The following SEC22A variants were observed in gnomAD, a reference collection of about 807,000 sequenced individuals.
SEC22A encodes the protein SEC22 homolog A, vesicle trafficking protein, also known as vesicle-trafficking protein SEC22a.
Under a neutral mutation model 35.3 loss-of-function variants are expected in SEC22A, and 22 were observed. That is an observed-to-expected ratio of 0.62 (90% CI 0.45 to 0.89). SEC22A has a LOEUF of 0.89. Ranked by LOEUF, SEC22A falls within the 40% of genes least tolerant of loss-of-function variation. SEC22A has a pLI of 0.00. For synonymous variants in SEC22A, 119 were observed against 129.5 expected, an observed-to-expected ratio of 0.92 and a Z score of 0.55; for missense variants, 354 against 362.5, an observed-to-expected ratio of 0.98 and a Z score of 0.19.
Position 123,271,772 on chromosome 3 carries a change from C to G in SEC22A, c.*50C>G. On this transcript the variant is annotated 3_prime_UTR_variant, in exon 7 of 7. Transcript: ENST00000492595. ...TGGCTTCAGGGGGATAAGGAGGGAA[C>G]ATATCATAACTGCACTGTGATGAAG... 1 of 1,421,554 alleles carries G rather than the reference C, an allele frequency of 7.0e-7. No homozygotes were observed. Among genetic ancestry groups the G allele is most frequent in the Non-Finnish European group, 9.9e-7 (1 of 1,009,956 alleles). 88.1% of individuals were successfully genotyped at this position (1,421,554 alleles called of 1,614,324 possible). A position where few individuals can be genotyped will look rare whatever the true frequency, so the allele number is the denominator to read the frequency against.
chr3:123,241,009 AC>A (rs1937515158), intron 4 of SEC22A, among the ~76,000 whole-genome samples: 2 of 128,720 alleles, frequency 1.6e-5, no homozygotes, highest in Admixed American at 7.9e-5. Context: ...TCTTACACAC[AC>A]ACACACACAC....
chr3:123,267,860 T>A (rs1365385578), intron 6 of SEC22A, among the ~76,000 whole-genome samples: 2 of 152,258 alleles, frequency 1.3e-5, no homozygotes, highest in African/African-American at 4.8e-5. Flanking sequence ...GGCAGTATTT[T>A]TTTCTTTCAG....
At position 123,274,004 on chromosome 3, in the gene SEC22A, ACTC is replaced by A. The variant is rs1938238057; in HGVS notation, c.*2286_*2288del. The A allele has an allele frequency of 6.8e-6, 1 of 147,324 alleles. No individual in the cohort carries two copies. The allele number at this position is 147,324 out of a possible 1,614,324, so 9.1% of individuals were successfully genotyped here. A position where few individuals can be genotyped will look rare whatever the true frequency, so the allele number is the denominator to read the frequency against. The stretch of plus-strand genomic sequence containing the variant: ...ATACATTCAGCAAGAACACTTGAAA[ACTC>A]CTCACCAACTATTTTTAAAGGCTTA... On this transcript the variant is annotated 3_prime_UTR_variant, in exon 7 of 7. Coordinates refer to ENST00000492595, the MANE Select transcript of SEC22A (RefSeq NM_012430.5).
intron 5 of SEC22A, among the ~76,000 whole-genome samples, chr3:123,247,229 T>C (rs1379075594): frequency 2.7e-5 from 4 of 149,406 alleles, no homozygotes; most frequent in African/African-American, 7.6e-5. Context: ...TAAGATACTC[T>C]TTTTTTTTGT....
At position 123,216,048 on chromosome 3, in the gene SEC22A, G is replaced by T. The variant is rs572973634; in HGVS notation, c.182+6649G>T. Among the ~76,000 whole-genome samples, 4 of 152,216 alleles carry T rather than the reference G, an allele frequency of 2.6e-5. No individual in the cohort carries two copies. In the South Asian group the frequency reaches 8.3e-4, roughly 32 times the overall value. ...CCTGGGTATTCAATTTTCCTATTTT[G>T]TCTCATTACTAGTATCACATTCCTT... is the stretch of plus-strand genomic sequence containing the variant. On this transcript the variant is annotated intron_variant, in intron 2 of 6. Coordinates refer to ENST00000492595, the MANE Select transcript of SEC22A (RefSeq NM_012430.5).
chr3:123,241,560 A>G (rs1937523139), intron 4 of SEC22A, among the ~76,000 whole-genome samples: 2 of 152,112 alleles, frequency 1.3e-5, no homozygotes, highest in African/African-American at 4.8e-5. Flanking sequence ...TCTTCACTGA[A>G]TTATTTCATT....
chr3:123,228,719 A>C (rs370652098), intron 4 of SEC22A, among the ~76,000 whole-genome samples: 2 of 152,272 alleles, frequency 1.3e-5, no homozygotes, highest in East Asian at 3.9e-4. Flanking sequence ...AGTAGTCATT[A>C]TAATCATGTT....
intron 4 of SEC22A, among the ~76,000 whole-genome samples, chr3:123,228,068 T>G (rs1937246455): frequency 6.6e-6 from 1 of 152,068 alleles, no homozygotes; most frequent in Non-Finnish European, 1.5e-5. Context: ...AAATTTGGAC[T>G]GAATACAACA....
intron 3 of SEC22A, among the ~76,000 whole-genome samples, 157 bp downstream of exon 3, chr3:123,223,879 T>A (rs1025728538): frequency 1.3e-5 from 2 of 152,188 alleles, no homozygotes; most frequent in Non-Finnish European, 2.9e-5. Context: ...TTTACTTAGA[T>A]GCTTATTAGA....
At chr3:123,224,790 CA>C (rs201359124) in intron 3 of SEC22A, among the ~76,000 whole-genome samples, 11 of 144,370 alleles carry the variant, frequency 7.6e-5, no homozygotes, top group South Asian at 2.2e-4. Flanking sequence ...GACCCTGTCT[CA>C]AAAAAAAAAA....
chr3:123,269,199 G>GTT (rs1938093531), intron 6 of SEC22A, among the ~76,000 whole-genome samples: 1 of 103,422 alleles, frequency 9.7e-6, no homozygotes, highest in Non-Finnish European at 2.2e-5. Context: ...GTGTGTGTGT[G>GTT]TGTGTGTGTG....
At chr3:123,244,615 C>T (rs577646681) in intron 4 of SEC22A, among the ~76,000 whole-genome samples, 1 of 152,250 alleles carries the variant, frequency 6.6e-6, no homozygotes, top group South Asian at 2.1e-4. Flanking sequence ...TTCTGCTGAA[C>T]TTGGGGAATA....
chr3:123,257,995 G>GAAAAAA (rs61068587), intron 5 of SEC22A, among the ~76,000 whole-genome samples: 8 of 111,484 alleles, frequency 7.2e-5, no homozygotes, highest in African/African-American at 1.2e-4. Context: ...CCATCTCATT[G>GAAAAAA]AAAAAAAAAA....
At position 123,245,950 on chromosome 3, in the gene SEC22A, T is replaced by C. The variant is rs769453296; in HGVS notation, c.593T>C (p.Leu198Pro). ...ATLSGIVGFILSLLCGALNLI... is the reference protein window; with the variant it reads ...ATLSGIVGFIPSLLCGALNLI... ...CTGTCAGGGATTGTAGGATTTATCC[T>C]TAGTCTTTTATGTGGAGCTCTGAAT... Residue 198 changes from leucine (L) to proline (P), a missense_variant, in exon 5 of 7, where the codon CTT becomes CCT. Leu to Pro is a moderately conservative substitution (Grantham distance 98). Coordinates refer to ENST00000492595, the MANE Select transcript of SEC22A (RefSeq NM_012430.5). The C allele has an allele frequency of 4.3e-6, 7 of 1,613,232 alleles. No homozygotes were observed. In the East Asian group the frequency reaches 1.1e-4, roughly 26 times the overall value.
chr3:123,241,949 GA>G (rs200139005), intron 4 of SEC22A, among the ~76,000 whole-genome samples: 9,569 of 144,678 alleles, frequency 0.066, 541 homozygotes, highest in African/African-American at 0.16. Context: ...CACTTTTCTG[GA>G]AAAAAAAAAA....
At chr3:123,250,135 G>T (rs1042443010) in intron 5 of SEC22A, among the ~76,000 whole-genome samples, 1 of 152,046 alleles carries the variant, frequency 6.6e-6, no homozygotes, top group African/African-American at 2.4e-5. Flanking sequence ...GGAGGGGCTG[G>T]GCACGGTGGC....
At chr3:123,240,239 A>T (rs978526300) in intron 4 of SEC22A, among the ~76,000 whole-genome samples, 6 of 152,204 alleles carry the variant, frequency 3.9e-5, no homozygotes, top group Admixed American at 3.9e-4. Context: ...CATGATTACT[A>T]AACACCCTTA....
intron 2 of SEC22A, among the ~76,000 whole-genome samples, chr3:123,210,904 A>G (rs1415597564): frequency 1.3e-5 from 2 of 152,202 alleles, no homozygotes; most frequent in Non-Finnish European, 2.9e-5. Flanking sequence ...AATGTGACTT[A>G]GCATGGTAGG....
chr3:123,212,246 A>G (rs1298716276), intron 2 of SEC22A, among the ~76,000 whole-genome samples: 4 of 152,188 alleles, frequency 2.6e-5, no homozygotes, highest in Non-Finnish European at 5.9e-5. Flanking sequence ...CACCTGGATA[A>G]TGGTAAGATG....
Sources: allele counts gnomAD v4.1 joint callset (sites outside exome capture counted in the v4.1 genomes callset), GRCh38; gene constraint gnomAD v4.1.1; transcripts MANE v1.5; gene names NCBI Gene and HGNC (gene_info 2026-07-23, HGNC 2026-07-21).